The following SMNDC1 variants were observed in gnomAD, a reference collection of about 807,000 sequenced individuals.
SMNDC1 encodes the protein survival motor neuron domain containing 1, also known as survival of motor neuron-related-splicing factor 30.
Under a neutral mutation model 29.2 loss-of-function variants are expected in SMNDC1, and 5 were observed. The observed-to-expected ratio is 0.17, with a 90% confidence interval of 0.09 to 0.36. The LOEUF (loss-of-function observed/expected upper bound fraction) is 0.36, where lower values mean the gene tolerates loss of function less well. SMNDC1 is among the 10% of genes least tolerant of loss of function. SMNDC1 has a pLI of 1.00. For missense variants in SMNDC1, 142 were observed against 268.5 expected (o/e 0.53, Z 3.29); for synonymous variants, 80 against 89.9 (o/e 0.89, Z 0.62).
chr10:110,302,489 G>A (rs557636940), intron 2 of SMNDC1, among the ~76,000 whole-genome samples: 11 of 151,988 alleles, frequency 7.2e-5, no homozygotes, highest in Non-Finnish European at 1.5e-4. Flanking sequence ...TCCCAAATCC[G>A]GACCCTATTT....
intron 2 of SMNDC1, among the ~76,000 whole-genome samples, chr10:110,300,307 A>G (rs1857627227): frequency 6.6e-6 from 1 of 152,214 alleles, no homozygotes; most frequent in Non-Finnish European, 1.5e-5. Flanking sequence ...ATTTCATCAA[A>G]GAAAAGGGTC....
intron 3 of SMNDC1, 98 bp downstream of exon 3, chr10:110,298,550 T>C (rs1857600281): frequency 7.1e-6 from 7 of 991,568 alleles, no homozygotes; most frequent in Non-Finnish European, 1.0e-5. Context: ...CTAATAGAAG[T>C]CAAGATTAAA....
At chr10:110,298,581 TA>T in intron 3 of SMNDC1, 66 bp downstream of exon 3, 1 of 1,394,310 alleles carries the variant, frequency 7.2e-7, no homozygotes, top group Non-Finnish European at 9.9e-7. Flanking sequence ...TAAAACTGAA[TA>T]AAAACTTCTT....
chr10:110,299,878 T>C (rs1010789824), intron 2 of SMNDC1, among the ~76,000 whole-genome samples: 2 of 152,192 alleles, frequency 1.3e-5, no homozygotes, highest in African/African-American at 4.8e-5. Flanking sequence ...TTAAATCTCT[T>C]GAAGAAAGGT....
chr10:110,304,898 G>C lies in SMNDC1; in HGVS notation c.-151C>G, dbSNP rs892702449. 2 of 152,412 alleles carry C rather than the reference G, an allele frequency of 1.3e-5. No homozygotes were observed. Among genetic ancestry groups the C allele is most frequent in the Non-Finnish European group, 2.9e-5 (2 of 68,192 alleles). 9.4% of individuals were successfully genotyped at this position (152,412 alleles called of 1,614,324 possible). ...GGTCTGAAAAGGAAGAACTCGGTCG[G>C]CGGCGAGGGGGAAGGGAGGAACGCC... On this transcript the variant is annotated 5_prime_UTR_variant, in exon 1 of 6. Coordinates refer to ENST00000369603, the MANE Select transcript of SMNDC1 (RefSeq NM_005871.4).
In SMNDC1 at chr10:110,292,451, C is replaced by T. The variant is rs563815424; in HGVS notation, c.*1699G>A. ...ATACCACCAAGGTAATCTCAACAAC[C>T]ATTTTCTGGGGTCACACAATGACAC... On this transcript the variant is annotated 3_prime_UTR_variant, in exon 6 of 6. Transcript: ENST00000369603. The T allele has an allele frequency of 7.2e-5, 11 of 152,290 alleles. No individual in the cohort carries two copies. In the East Asian group the frequency reaches 2.1e-3, roughly 29 times the overall value. The allele number at this position is 152,290 out of a possible 1,614,324, so 9.4% of individuals were successfully genotyped here. A position where few individuals can be genotyped will look rare whatever the true frequency, so the allele number is the denominator to read the frequency against.
At chr10:110,295,193 T>A in intron 5 of SMNDC1, 35 bp downstream of exon 5, 2 of 1,547,486 alleles carry the variant, frequency 1.3e-6, no homozygotes, top group Non-Finnish European at 1.7e-6. Context: ...CAGTTGCATT[T>A]CTCAAATTTA....
intron 2 of SMNDC1, among the ~76,000 whole-genome samples, chr10:110,300,984 A>G (rs566887014): frequency 6.6e-6 from 1 of 152,350 alleles, no homozygotes; most frequent in South Asian, 2.1e-4. Context: ...AAAGAGATAA[A>G]CATGGAAACC....
At chr10:110,297,290 T>C (rs958740510) in intron 4 of SMNDC1, among the ~76,000 whole-genome samples, 5 of 152,206 alleles carry the variant, frequency 3.3e-5, no homozygotes, top group Admixed American at 2.0e-4. Flanking sequence ...TCTCCTGTGG[T>C]ATAGCCCCAG....
rs1857510771 is a variant in SMNDC1, at chr10:110,292,534, A to G, written c.*1616T>C. 6.6e-6 allele frequency: 1 copy of G among 152,144 alleles called. No homozygotes were observed. Among genetic ancestry groups the G allele is most frequent in the Non-Finnish European group, 1.5e-5 (1 of 68,018 alleles). 9.4% of individuals were successfully genotyped at this position (152,144 alleles called of 1,614,324 possible). A position where few individuals can be genotyped will look rare whatever the true frequency, so the allele number is the denominator to read the frequency against. On this transcript the variant is annotated 3_prime_UTR_variant, in exon 6 of 6. Transcript: ENST00000369603. ...GATTCTCTTGCAATCCATCAAGGCT[A>G]CTCTTGATTATTGATAAGCTCTTAA...
chr10:110,301,965 A>C (rs1000033651), intron 2 of SMNDC1, among the ~76,000 whole-genome samples: 8 of 152,160 alleles, frequency 5.3e-5, no homozygotes, highest in Admixed American at 3.9e-4. Flanking sequence ...CTCCACTCCC[A>C]ACTTCCCCAA....
intron 2 of SMNDC1, among the ~76,000 whole-genome samples, chr10:110,302,826 G>A (rs1291063655): frequency 6.6e-6 from 1 of 152,142 alleles, no homozygotes; most frequent in Non-Finnish European, 1.5e-5. Flanking sequence ...TCAAAAAAAG[G>A]TTTCATTATC....
At position 110,294,049 on chromosome 10, in the gene SMNDC1, T is replaced by A; in HGVS notation, c.*101A>T. The A allele has an allele frequency of 1.1e-6, 1 of 904,746 alleles. No homozygotes were observed. Among genetic ancestry groups the A allele is most frequent in the Non-Finnish European group, 1.6e-6 (1 of 630,612 alleles). 56.0% of individuals were successfully genotyped at this position (904,746 alleles called of 1,614,324 possible). On this transcript the variant is annotated 3_prime_UTR_variant, in exon 6 of 6. Transcript: ENST00000369603. ...AAGCCAACCAATGACGACAATGGTA[T>A]CTTGCTTACTCATCTAACAAATAAT...
chr10:110,302,188 C>G (rs1383877856), intron 2 of SMNDC1, among the ~76,000 whole-genome samples: 1 of 152,152 alleles, frequency 6.6e-6, no homozygotes, highest in African/African-American at 2.4e-5. Flanking sequence ...AATGTATACT[C>G]ACAACATATG....
At chr10:110,302,059 A>G (rs1857658621) in intron 2 of SMNDC1, among the ~76,000 whole-genome samples, 1 of 152,204 alleles carries the variant, frequency 6.6e-6, no homozygotes, top group Admixed American at 6.5e-5. Flanking sequence ...TTCTTTTCCT[A>G]AAAAAGGACT....
In SMNDC1 at chr10:110,298,797, A is replaced by G. The variant is rs370068825; in HGVS notation, c.121-7T>C. The G allele has an allele frequency of 2.1e-5, 33 of 1,594,792 alleles. No individual in the cohort carries two copies. Among genetic ancestry groups the G allele is most frequent in the Middle Eastern group, 1.7e-4 (1 of 5,992 alleles). On this transcript the variant is annotated splice_region_variant and splice_polypyrimidine_tract_variant and intron_variant, in intron 2 of 5. Transcript: ENST00000369603. ...TGGTTAGTTCTATAACTTCCTAAAA[A>G]AGAAAAACAAAAACTACAACATTAT...
chr10:110,297,500 T>C, intron 4 of SMNDC1, 67 bp downstream of exon 4: 3 of 1,438,434 alleles, frequency 2.1e-6, no homozygotes, highest in Non-Finnish European at 2.9e-6. Flanking sequence ...AGATTCTCTC[T>C]GCAGACTACT....
rs1196044668 is a variant in SMNDC1, at chr10:110,292,661, T to G, written c.*1489A>C. On this transcript the variant is annotated 3_prime_UTR_variant, in exon 6 of 6. Coordinates refer to ENST00000369603, the MANE Select transcript of SMNDC1 (RefSeq NM_005871.4). ...CCTTTCTGTCCTTTGTGTCCTACCC[T>G]GTGGCCACGAATTATATGAAGAAAA... is the stretch of plus-strand genomic sequence containing the variant. 1 of 152,150 alleles carries G rather than the reference T, an allele frequency of 6.6e-6. No individual in the cohort carries two copies. The highest frequency in any genetic ancestry group is 1.5e-5 in the Non-Finnish European group (1 of 68,026). The allele number at this position is 152,150 out of a possible 1,614,324, so 9.4% of individuals were successfully genotyped here.
intron 1 of SMNDC1, 26 bp from the exon 2 acceptor site, chr10:110,303,613 C>A: frequency 6.5e-7 from 1 of 1,542,586 alleles, no homozygotes; most frequent in South Asian, 1.3e-5. Flanking sequence ...AGGGTTAGAC[C>A]ATGAAAACTA....
Sources: allele counts gnomAD v4.1 joint callset (sites outside exome capture counted in the v4.1 genomes callset), GRCh38; gene constraint gnomAD v4.1.1; transcripts MANE v1.5; gene names NCBI Gene and HGNC (gene_info 2026-07-23, HGNC 2026-07-21).